MALRD1: variants seen among roughly 807,000 people sequenced by gnomAD.
MALRD1 encodes MAM and LDL-receptor class A domain-containing protein 1.
In MALRD1, 247 loss-of-function variants were observed where a neutral mutation model predicts 242.1. The ratio of observed to expected loss-of-function variants is 1.02; its 90% CI spans 0.92 to 1.13. MALRD1 has a LOEUF of 1.13. Among genes scored for constraint, MALRD1 ranks in the 50% most tolerant of loss-of-function variants. MALRD1 has a pLI of 0.00. For missense variants in MALRD1, 2,989 were observed against 2,533.1 expected, an observed-to-expected ratio of 1.18 and a Z score of -3.86; for synonymous variants, 995 against 866.6, an observed-to-expected ratio of 1.15 and a Z score of -2.60.
intron 26 of MALRD1, among the ~76,000 whole-genome samples, chr10:19,369,595 A>G (rs948165989): frequency 1.3e-5 from 2 of 149,312 alleles, no homozygotes; most frequent in Non-Finnish European, 3.0e-5. Context: ...CCATATAAAT[A>G]TAGCCGCATA....
intron 29 of MALRD1, among the ~76,000 whole-genome samples, chr10:19,477,678 C>T (rs1257551404): frequency 1.3e-5 from 2 of 152,048 alleles, no homozygotes; most frequent in Non-Finnish European, 2.9e-5. Context: ...GAGAGGGGCT[C>T]CCAAGTGGGA....
At chr10:19,645,289 A>C (rs1370871262) in intron 36 of MALRD1, among the ~76,000 whole-genome samples, 1 of 152,194 alleles carries the variant, frequency 6.6e-6, no homozygotes, top group Non-Finnish European at 1.5e-5. Context: ...GGGACTGTCA[A>C]CTAGTTCAAC....
intron 18 of MALRD1, among the ~76,000 whole-genome samples, chr10:19,222,038 A>G (rs911137375): frequency 1.3e-5 from 2 of 152,088 alleles, no homozygotes; most frequent in Non-Finnish European, 2.9e-5. Context: ...AATCCTTCTC[A>G]GTCCGTGGCC....
At chr10:19,267,593 G>C (rs1002611326) in intron 19 of MALRD1, among the ~76,000 whole-genome samples, 8 of 152,120 alleles carry the variant, frequency 5.3e-5, no homozygotes, top group Non-Finnish European at 1.2e-4. Flanking sequence ...AAGGGGAACA[G>C]TGTCAATACT....
In MALRD1 at chr10:19,522,777, A is replaced by G. The variant is rs143902427; in HGVS notation, c.5321-8417A>G. ...AAATTTTCCCAAAGTCACAAAGCTT[A>G]TAAGAATCAGTATTTGGCTTTTAAC... On this transcript the variant is annotated intron_variant, in intron 31 of 39. Coordinates refer to ENST00000454679, the MANE Select transcript of MALRD1 (RefSeq NM_001142308.3). Among the ~76,000 whole-genome samples the G allele has an allele frequency of 1.9e-3, 286 of 152,304 alleles. 1 individual carries two copies. The highest frequency in any genetic ancestry group is 6.4e-3 in the African/African-American group (268 of 41,574).
chr10:19,132,397 T>A (rs1833146106), intron 8 of MALRD1, among the ~76,000 whole-genome samples: 1 of 152,256 alleles, frequency 6.6e-6, no homozygotes, highest in Non-Finnish European at 1.5e-5. Context: ...TGTGCTTCAC[T>A]GTCTTGTGGA....
intron 30 of MALRD1, among the ~76,000 whole-genome samples, chr10:19,493,645 TAA>T (rs758905906): frequency 4.3e-4 from 52 of 121,988 alleles, no homozygotes; most frequent in African/African-American, 7.8e-4. Context: ...CCGTCTCTAC[TAA>T]AAAAAAAAAA....
chr10:19,674,037 T>G (rs1294903946), intron 36 of MALRD1, among the ~76,000 whole-genome samples: 1 of 152,172 alleles, frequency 6.6e-6, no homozygotes, highest in Non-Finnish European at 1.5e-5. Context: ...GGCAGTGGCC[T>G]ATCTTAGACT....
chr10:19,518,994 T>C (rs1391611714), intron 31 of MALRD1, among the ~76,000 whole-genome samples: 1 of 152,342 alleles, frequency 6.6e-6, no homozygotes, highest in East Asian at 1.9e-4. Context: ...GATCTCACTT[T>C]TTAATGATAT....
In MALRD1 at chr10:19,446,665, A is replaced by G. The variant is rs79902159; in HGVS notation, c.4846-3642A>G. On this transcript the variant is annotated intron_variant, in intron 28 of 39. Coordinates refer to ENST00000454679, the MANE Select transcript of MALRD1 (RefSeq NM_001142308.3). ...AAATAAATATGCAATTTGCAAGACA[A>G]AAGTTCCATGCATATACTATATGTG... Among the ~76,000 whole-genome samples the G allele has an allele frequency of 6.0e-3, 908 of 152,342 alleles. 14 individuals are homozygous for G. The highest frequency in any genetic ancestry group is 0.024 in the Admixed American group (367 of 15,292).
intron 1 of MALRD1, among the ~76,000 whole-genome samples, chr10:19,057,460 T>G (rs1054579510): frequency 6.6e-6 from 1 of 152,138 alleles, no homozygotes; most frequent in Non-Finnish European, 1.5e-5. Flanking sequence ...CATGATCTCA[T>G]AACTTCCCCA....
At chr10:19,123,324 TGA>T (rs1554793086) in intron 5 of MALRD1, among the ~76,000 whole-genome samples, 166 bp from the exon 6 acceptor site, 15 of 150,706 alleles carry the variant, frequency 1.0e-4, no homozygotes, top group African/African-American at 3.7e-4. Context: ...TGTGTGTGTG[TGA>T]GAGAGAGAGA....
intron 24 of MALRD1, among the ~76,000 whole-genome samples, chr10:19,345,532 G>T (rs569144473): frequency 8.6e-5 from 13 of 151,874 alleles, no homozygotes; most frequent in Admixed American, 1.3e-4. Context: ...TACTACAAGA[G>T]GTTATAAGTA....
chr10:19,274,158 G>A (rs1015987341), intron 19 of MALRD1, among the ~76,000 whole-genome samples: 2 of 152,142 alleles, frequency 1.3e-5, no homozygotes, highest in African/African-American at 4.8e-5. Flanking sequence ...GCAGAATCTT[G>A]AGATTTTTGC....
rs144215013 is a variant in MALRD1 at position 19,471,447 on chromosome 10, C to CT, written c.5030-20062dup. Reference sequence around the variant, plus strand: ...TTGTAATTCGATATGAATTTTAGGACTTTTTTTTCTATTTCTGTGGAAAAC... The same window carrying CT: ...TTGTAATTCGATATGAATTTTAGGACTTTTTTTTTCTATTTCTGTGGAAAAC... On this transcript the variant is annotated intron_variant, in intron 29 of 39. Transcript: ENST00000454679. Among the ~76,000 whole-genome samples, 19 of 151,492 alleles carry CT rather than the reference C, an allele frequency of 1.3e-4. No individual in the cohort carries two copies. The South Asian group carries it at 2.9e-3, about 23-fold the overall frequency.
intron 21 of MALRD1, among the ~76,000 whole-genome samples, chr10:19,310,077 TC>T (rs1254227569): frequency 6.6e-6 from 1 of 151,494 alleles, no homozygotes; most frequent in Non-Finnish European, 1.5e-5. Context: ...CAATCTCTTG[TC>T]AGTGTCTCAC....
At chr10:19,349,462 TAGAC>T (rs1844276213) in intron 25 of MALRD1, among the ~76,000 whole-genome samples, 1 of 152,026 alleles carries the variant, frequency 6.6e-6, no homozygotes, top group African/African-American at 2.4e-5. Context: ...ATCTATCACA[TAGAC>T]AGTGAAGATT....
chr10:19,210,778 G>T (rs919315309), intron 18 of MALRD1, among the ~76,000 whole-genome samples: 1 of 152,154 alleles, frequency 6.6e-6, no homozygotes, highest in Non-Finnish European at 1.5e-5. Flanking sequence ...GATATAAACC[G>T]AAAGCATGAG....
chr10:19,096,172 T>C (rs1836024413), intron 4 of MALRD1, among the ~76,000 whole-genome samples: 1 of 152,144 alleles, frequency 6.6e-6, no homozygotes, highest in Non-Finnish European at 1.5e-5. Context: ...GTCAAACCTT[T>C]CAAAATAACG....
Sources: allele counts gnomAD v4.1 joint callset (sites outside exome capture counted in the v4.1 genomes callset), GRCh38; gene constraint gnomAD v4.1.1; transcripts MANE v1.5; gene names NCBI Gene and HGNC (gene_info 2026-07-23, HGNC 2026-07-21).